Variants in LRRC74B observed in about 807,000 individuals in gnomAD.
LRRC74B encodes leucine rich repeat containing 74B, also known as leucine-rich repeat-containing protein 74B.
In LRRC74B, 30 loss-of-function variants were observed where a neutral mutation model predicts 16.6. The observed-to-expected ratio is 1.80, with a 90% CI of 1.35 to 2.45. The LOEUF is 2.45. Among genes scored for constraint, LRRC74B ranks in the 30% most tolerant of loss-of-function variants. The probability of loss-of-function intolerance (pLI) is 0.00; values close to 1 mark genes in which losing one functional copy is unlikely to be tolerated. For missense variants in LRRC74B, 326 were observed against 202.4 expected, an observed-to-expected ratio of 1.61 and a Z score of -3.71; for synonymous variants, 134 against 86.0, an observed-to-expected ratio of 1.56 and a Z score of -3.09.
intron 4 of LRRC74B, 103 bp downstream of exon 4, chr22:21,049,260 G>T: frequency 1.7e-6 from 1 of 599,230 alleles, no homozygotes; most frequent in South Asian, 2.0e-5. Flanking sequence ...GGGAGCATGT[G>T]CTCTGGTTCC....
chr22:21,052,390 C>G (rs1193656888), intron 5 of LRRC74B, 32 bp downstream of exon 5: 9 of 716,718 alleles, frequency 1.3e-5, no homozygotes, highest in Non-Finnish European at 2.3e-5. Flanking sequence ...GGCCCTACAG[C>G]CTGTCTGCTG....
At chr22:21,049,828 C>G (rs1173415773) in intron 4 of LRRC74B, among the ~76,000 whole-genome samples, 2 of 152,098 alleles carry the variant, frequency 1.3e-5, no homozygotes, top group Non-Finnish European at 2.9e-5. Flanking sequence ...GATCTCATCA[C>G]TGTCATGCCC....
chr22:21,050,187 C>T (rs1000068049), intron 4 of LRRC74B, among the ~76,000 whole-genome samples: 9 of 152,194 alleles, frequency 5.9e-5, no homozygotes, highest in East Asian at 1.9e-4. Flanking sequence ...CAGGTGCGTG[C>T]GACAAGGCCT....
rs1341609540 is a variant in LRRC74B at position 21,058,072 on chromosome 22, A to AT, written c.1023+880dup. 6.3e-4 allele frequency among the ~76,000 whole-genome samples: 77 copies of AT among 122,284 alleles called. 1 individual carries two copies. Among genetic ancestry groups the AT allele is most frequent in the African/African-American group, 2.2e-3 (72 of 32,568 alleles). 80.2% of individuals were successfully genotyped at this position (122,284 alleles called of 152,430 possible). On this transcript the variant is annotated intron_variant, in intron 8 of 8. Coordinates refer to ENST00000442047, the Ensembl canonical transcript of LRRC74B. ...GGCTGATTTTTTTTTTTTTTTTGGT[A>AT]TTTTTTTTAGTAGAGATGGGGTTTC...
intron 8 of LRRC74B, among the ~76,000 whole-genome samples, chr22:21,059,651 T>C (rs1408596432): frequency 6.6e-6 from 1 of 152,274 alleles, no homozygotes; most frequent in Non-Finnish European, 1.5e-5. Flanking sequence ...TTATCTGTTA[T>C]CACTAGTATA....
downstream of LRRC74B, chr22:21,061,992 A>G (rs1930830817): frequency 6.6e-6 from 1 of 152,236 alleles, no homozygotes; most frequent in African/African-American, 2.4e-5. Flanking sequence ...AATGAACCGT[A>G]TGGTATGTGA....
At chr22:21,062,122 A>T (rs1190108604), downstream of LRRC74B, 1 of 152,234 alleles carries the variant, frequency 6.6e-6, no homozygotes, top group African/African-American at 2.4e-5. Flanking sequence ...CACGTGTCGC[A>T]TGACCGCATT....
chr22:21,046,207 A>G, intron 1 of LRRC74B, 82 bp downstream of exon 1: 1 of 691,546 alleles, frequency 1.4e-6, no homozygotes, highest in Admixed American at 2.1e-5. Flanking sequence ...GGCTGGGGCT[A>G]AGGCCAGCAG....
At chr22:21,057,948 C>G (rs1481201861) in intron 8 of LRRC74B, among the ~76,000 whole-genome samples, 1 of 149,802 alleles carries the variant, frequency 6.7e-6, no homozygotes, top group Non-Finnish European at 1.5e-5. Flanking sequence ...TGCAGTGGTG[C>G]TATATTGGCT....
At chr22:21,053,445 C>G (rs1360756839) in exon 6 of LRRC74B, 2 of 717,220 alleles carry the variant, frequency 2.8e-6, no homozygotes. Flanking sequence ...GCTCTGAAGG[C>G]CAACAACGTG....
downstream of LRRC74B, among the ~76,000 whole-genome samples, chr22:21,061,057 G>C (rs761024879): frequency 6.6e-6 from 1 of 152,178 alleles, no homozygotes; most frequent in South Asian, 2.1e-4. Flanking sequence ...GCCGGACGCG[G>C]TGGCTCACAC....
intron 3 of LRRC74B, 130 bp from the exon 4 acceptor site, chr22:21,048,821 A>G: frequency 8.1e-6 from 5 of 614,248 alleles, no homozygotes; most frequent in South Asian, 7.9e-5. Context: ...CAGAGCCACC[A>G]TGCAACCCCA....
chr22:21,052,153 C>G (rs1482213418), intron 4 of LRRC74B, 96 bp from the exon 5 acceptor site: 11 of 694,264 alleles, frequency 1.6e-5, no homozygotes, highest in Non-Finnish European at 3.0e-5. Context: ...TGTGACCCTC[C>G]TGCCCAGCAG....
At chr22:21,049,761 G>A (rs1601809376) in intron 4 of LRRC74B, among the ~76,000 whole-genome samples, 1 of 152,080 alleles carries the variant, frequency 6.6e-6, no homozygotes, top group East Asian at 1.9e-4. Flanking sequence ...GTAGGCCGTG[G>A]CAAAAACGGT....
intron 1 of LRRC74B, among the ~76,000 whole-genome samples, chr22:21,046,874 C>T (rs573445406): frequency 6.6e-6 from 1 of 152,000 alleles, no homozygotes; most frequent in South Asian, 2.1e-4. Context: ...GGCAGATCAC[C>T]TGAGGTCAGG....
chr22:21,061,600 C>A (rs1377164100), downstream of LRRC74B: 1 of 152,158 alleles, frequency 6.6e-6, no homozygotes, highest in African/African-American at 2.4e-5. Flanking sequence ...AGTTGGAGAC[C>A]AGCTGGGGCA....
chr22:21,060,182 ACAGCAGG>A, intron 8 of LRRC74B, among the ~76,000 whole-genome samples, 184 bp from the exon 9 acceptor site: 1 of 152,192 alleles, frequency 6.6e-6, no homozygotes, highest in Non-Finnish European at 1.5e-5. Context: ...ATAAATAAAT[ACAGCAGG>A]CCTCTAAACA....
At chr22:21,050,200 C>A (rs1452777231) in intron 4 of LRRC74B, among the ~76,000 whole-genome samples, 1 of 152,038 alleles carries the variant, frequency 6.6e-6, no homozygotes, top group African/African-American at 2.4e-5. Flanking sequence ...CAAGGCCTGG[C>A]TAATTTTTCT....
At chr22:21,045,952 G>C (rs1484369656), upstream of LRRC74B, 2 of 713,846 alleles carry the variant, frequency 2.8e-6, no homozygotes, top group South Asian at 1.5e-5. Flanking sequence ...AGCTGTCTCC[G>C]ACTCAGTGTC....
Sources: gnomAD v4.1 joint callset for allele counts (sites outside exome capture counted in the v4.1 genomes callset) on GRCh38, gnomAD v4.1.1 for gene constraint, MANE v1.5 for transcripts, NCBI Gene and HGNC (gene_info 2026-07-23, HGNC 2026-07-21) for gene names.